PPFIA4: variants seen among roughly 807,000 people sequenced by gnomAD.
PPFIA4 encodes PPFI scaffold protein A4, also known as liprin-alpha-4.
Under a neutral mutation model 145.7 loss-of-function variants are expected in PPFIA4, and 98 were observed. The observed-to-expected ratio is 0.67, with a 90% CI of 0.57 to 0.80. The LOEUF (loss-of-function observed/expected upper bound fraction) is 0.80, where lower values mean the gene tolerates loss of function less well. Ranked by LOEUF, PPFIA4 falls within the 30% of genes least tolerant of loss-of-function variation. The pLI, the probability that PPFIA4 is intolerant of heterozygous loss-of-function variation, is 0.00. For synonymous variants in PPFIA4, 628 were observed against 649.6 expected, an observed-to-expected ratio of 0.97 and a Z score of 0.51; for missense variants, 1,457 against 1,632.7, an observed-to-expected ratio of 0.89 and a Z score of 1.85.
chr1:203,049,423 G>A (rs973630205), intron 12 of PPFIA4, among the ~76,000 whole-genome samples: 6 of 152,308 alleles, frequency 3.9e-5, no homozygotes, highest in African/African-American at 1.4e-4. Flanking sequence ...GCCTAGGCTA[G>A]CAGAGCCCTC....
intron 15 of PPFIA4, 174 bp downstream of exon 15, chr1:203,054,135 A>G (rs1484729911): frequency 1.2e-5 from 9 of 780,692 alleles, no homozygotes; most frequent in Non-Finnish European, 2.0e-5. Context: ...TGAGAGGAGC[A>G]GGGCCTCAGT....
intron 24 of PPFIA4, among the ~76,000 whole-genome samples, chr1:203,062,190 A>G (rs1022319422): frequency 3.3e-5 from 5 of 151,922 alleles, no homozygotes; most frequent in African/African-American, 9.7e-5. Context: ...TAAAAAAGAC[A>G]GTCTCGGCTG....
At chr1:203,069,628 G>A (rs1175779841) in intron 27 of PPFIA4, among the ~76,000 whole-genome samples, 3 of 152,174 alleles carry the variant, frequency 2.0e-5, no homozygotes, top group African/African-American at 7.2e-5. Context: ...GGCTATTCTG[G>A]GAGCAGACAC....
At chr1:203,047,334 C>T (rs1660157849) in intron 9 of PPFIA4, among the ~76,000 whole-genome samples, 1 of 152,108 alleles carries the variant, frequency 6.6e-6, no homozygotes, top group Non-Finnish European at 1.5e-5. Flanking sequence ...GGGATGGTCT[C>T]GGAGGTCTTT....
rs776237969 is a variant in PPFIA4, at chr1:203,046,331, G to A, written c.1089G>A (p.Thr363=). The change falls in exon 9 of 30, where the codon ACG becomes ACA. Residue 363 remains threonine (T), a synonymous_variant. Coordinates refer to ENST00000295706, the MANE Select transcript of PPFIA4 (RefSeq NM_001304331.2). Reference sequence around the variant, plus strand: ...AGCAGACGATGCGCAAGGCAGAGACGCTGCCAGAGGTGGAGGCTGAGCTGG... The same window carrying A: ...AGCAGACGATGCGCAAGGCAGAGACACTGCCAGAGGTGGAGGCTGAGCTGG... ...KLQQTMRKAE[T]LPEVEAELAQ... is the part of the protein sequence containing the mutation. The A allele has an allele frequency of 2.1e-5, 34 of 1,593,512 alleles. No individual in the cohort carries two copies. Among genetic ancestry groups the A allele is most frequent in the Non-Finnish European group, 2.3e-5 (27 of 1,170,988 alleles).
chr1:203,059,989 C>T (rs1300241505), intron 21 of PPFIA4, 138 bp downstream of exon 21: 3 of 788,018 alleles, frequency 3.8e-6, no homozygotes, highest in Non-Finnish European at 4.3e-6. Flanking sequence ...AGCATTTAGC[C>T]CCCCTCCCCC....
At chr1:203,046,170 G>A in intron 8 of PPFIA4, 78 bp from the exon 9 acceptor site, 1 of 1,534,422 alleles carries the variant, frequency 6.5e-7, no homozygotes, top group Non-Finnish European at 8.8e-7. Context: ...CCTGTCATCT[G>A]CTCTCTGCTG....
At position 203,059,762 on chromosome 1, in the gene PPFIA4, C is replaced by T. The variant is rs770388345; in HGVS notation, c.2502-8C>T. The T allele has an allele frequency of 2.3e-5, 37 of 1,611,844 alleles. No homozygotes were observed. The highest frequency in any genetic ancestry group is 3.0e-5 in the Non-Finnish European group (35 of 1,178,628). On this transcript the variant is annotated splice_region_variant and splice_polypyrimidine_tract_variant and intron_variant, in intron 20 of 29. Coordinates refer to ENST00000295706, the MANE Select transcript of PPFIA4 (RefSeq NM_001304331.2). Reference sequence around the variant, plus strand: ...AACTAGTGAGTCTGTTGTTCCTCTTCCTATAAGACACCAGCTGCTTGAAGA... The same window carrying T: ...AACTAGTGAGTCTGTTGTTCCTCTTTCTATAAGACACCAGCTGCTTGAAGA...
Position 203,035,252 on chromosome 1 carries a change from G to A in PPFIA4, c.-399-3358G>A, listed in dbSNP as rs777380693. On this transcript the variant is annotated intron_variant, in intron 1 of 29. Coordinates refer to ENST00000295706, the MANE Select transcript of PPFIA4 (RefSeq NM_001304331.2). ...AGACGCTCCTAGCGGCCCTGCCCCG[G>A]GCTGTGGTCTCCGCAGGGGCTGGCA... 36 of 456,470 alleles carry A rather than the reference G, an allele frequency of 7.9e-5. 3 individuals carry two copies. Among genetic ancestry groups the A allele is most frequent in the South Asian group, 5.4e-4 (35 of 64,556 alleles). 28.3% of individuals were successfully genotyped at this position (456,470 alleles called of 1,614,324 possible). A position where few individuals can be genotyped will look rare whatever the true frequency, so the allele number is the denominator to read the frequency against.
Position 203,044,047 on chromosome 1 carries a change from G to C in PPFIA4, c.453G>C (p.Leu151=), listed in dbSNP as rs1427745842. 1.2e-6 allele frequency: 2 copies of C among 1,611,468 alleles called. No homozygotes were observed. The highest frequency in any genetic ancestry group is 4.5e-5 in the East Asian group (2 of 44,874). ...GGGTCTCCAGTGAGGTGGAGGTGCTGAAGGCCCTCAAGTCACTGTTTGAGC... is the reference window on the plus strand; with the variant it reads ...GGGTCTCCAGTGAGGTGGAGGTGCTCAAGGCCCTCAAGTCACTGTTTGAGC... ...PSGVSSEVEV[L]KALKSLFEHH... The change falls in exon 4 of 30, where the codon CTG becomes CTC. Residue 151 remains leucine (L), a synonymous_variant. Transcript: ENST00000295706.
chr1:203,051,751 C>A lies in PPFIA4; in HGVS notation c.1512-18C>A. ...AGTCCTCAGGGCCTGTCTTTTCTCT[C>A]CCCCATCACCGCTCAAGGTCGCACA... On this transcript the variant is annotated intron_variant, in intron 13 of 29. Transcript: ENST00000295706. 6.3e-7 allele frequency: 1 copy of A among 1,599,464 alleles called. No homozygotes were observed. The highest frequency in any genetic ancestry group is 8.5e-7 in the Non-Finnish European group (1 of 1,173,324).
intron 20 of PPFIA4, 75 bp downstream of exon 20, chr1:203,059,346 G>T: frequency 7.8e-7 from 1 of 1,281,486 alleles, no homozygotes; most frequent in South Asian, 1.3e-5. Flanking sequence ...GGGCTGCTGT[G>T]AAACTGAGCT....
Position 203,076,515 on chromosome 1 carries a change from G to A in PPFIA4, c.*125G>A, listed in dbSNP as rs1571753134. On this transcript the variant is annotated 3_prime_UTR_variant, in exon 30 of 30. Coordinates refer to ENST00000295706, the MANE Select transcript of PPFIA4 (RefSeq NM_001304331.2). Reference sequence around the variant, plus strand: ...CGTCCGTGACTTTCCGGTTGCCCTGGATCTCAGAATATATTCGTCCACCCC... The same window carrying A: ...CGTCCGTGACTTTCCGGTTGCCCTGAATCTCAGAATATATTCGTCCACCCC... 1 of 981,824 alleles carries A rather than the reference G, an allele frequency of 1.0e-6. No homozygotes were observed. Among genetic ancestry groups the A allele is most frequent in the East Asian group, 2.4e-5 (1 of 41,770 alleles). The allele number at this position is 981,824 out of a possible 1,614,324, so 60.8% of individuals were successfully genotyped here.
At position 203,061,042 on chromosome 1, in the gene PPFIA4, G is replaced by A; in HGVS notation, c.2847+10G>A. 6.2e-7 allele frequency: 1 copy of A among 1,613,812 alleles called. No individual in the cohort carries two copies. Among genetic ancestry groups the A allele is most frequent in the Non-Finnish European group, 8.5e-7 (1 of 1,179,704 alleles). ...AACATCTACTAAAACAGTGAGTCTG[G>A]CCCTTGGCCTTTGTCCCTGGGCCTG... On this transcript the variant is annotated intron_variant, in intron 23 of 29. Transcript: ENST00000295706.
At chr1:203,076,012 A>T in intron 29 of PPFIA4, 1 of 585,516 alleles carries the variant, frequency 1.7e-6, no homozygotes, top group Non-Finnish European at 2.9e-6. Flanking sequence ...CACGGTTCGG[A>T]CCTACTCCTG....
chr1:203,078,711 A>G lies in PPFIA4; in HGVS notation c.*2321A>G, dbSNP rs1441005441. 6.6e-6 allele frequency: 1 copy of G among 150,904 alleles called. No individual in the cohort carries two copies. The highest frequency in any genetic ancestry group is 1.5e-5 in the Non-Finnish European group (1 of 67,874). 9.3% of individuals were successfully genotyped at this position (150,904 alleles called of 1,614,324 possible). On this transcript the variant is annotated 3_prime_UTR_variant, in exon 30 of 30. Coordinates refer to ENST00000295706, the MANE Select transcript of PPFIA4 (RefSeq NM_001304331.2). ...TGAGTGTGGGTGTGTACGTACCAAT[A>G]AACAACCTGGTTTTAAGACAATGTA...
chr1:203,051,924 CCG>C, intron 14 of PPFIA4, 47 bp downstream of exon 14: 1 of 1,585,218 alleles, frequency 6.3e-7, no homozygotes, highest in East Asian at 2.3e-5. Flanking sequence ...GTCAATTCGG[CCG>C]CGTGCCTGGC....
rs973280911 is a variant in PPFIA4 at position 203,043,624 on chromosome 1, C to T, written c.336+126C>T. 2.3e-6 allele frequency: 2 copies of T among 868,556 alleles called. No individual in the cohort carries two copies. The highest frequency in any genetic ancestry group is 3.6e-6 in the Non-Finnish European group (2 of 550,402). The allele number at this position is 868,556 out of a possible 1,614,324, so 53.8% of individuals were successfully genotyped here. On this transcript the variant is annotated intron_variant, in intron 3 of 29. Coordinates refer to ENST00000295706, the MANE Select transcript of PPFIA4 (RefSeq NM_001304331.2). This position sits in a 1 kb window ranked among gnomAD's most constrained non-coding sequence, Gnocchi z 4.4. ...GCCAGGCACAGTCCTAGCTCAAGCC[C>T]CATCCTTCCCTCTTCCTGTCTCCCA...
In PPFIA4 at chr1:203,076,773, G is replaced by A. The variant is rs903367; in HGVS notation, c.*383G>A. On this transcript the variant is annotated 3_prime_UTR_variant, in exon 30 of 30. Transcript: ENST00000295706. The stretch of plus-strand genomic sequence containing the variant: ...GGATCCTGGGCCACAGGCTGGGATG[G>A]TCCTTCCAAGAAAGGGTCATTTCAG... 112,760 of 257,938 alleles carry A rather than the reference G, an allele frequency of 0.44. 25,147 individuals carry two copies. Among genetic ancestry groups the A allele is most frequent in the African/African-American group, 0.52 (23,696 of 45,140 alleles). The allele number at this position is 257,938 out of a possible 1,614,324, so 16.0% of individuals were successfully genotyped here. A position where few individuals can be genotyped will look rare whatever the true frequency, so the allele number is the denominator to read the frequency against.
Sources: allele counts gnomAD v4.1 joint callset (sites outside exome capture counted in the v4.1 genomes callset), GRCh38; gene constraint gnomAD v4.1.1; non-coding constraint Gnocchi (gnomAD v3.1); transcripts MANE v1.5; gene names NCBI Gene and HGNC (gene_info 2026-07-23, HGNC 2026-07-21).